Variants in MAF observed in about 807,000 individuals in gnomAD.
MAF encodes MAF bZIP transcription factor, also known as transcription factor Maf.
Under a neutral mutation model 22.0 loss-of-function variants are expected in MAF, and 10 were observed. The observed-to-expected ratio is 0.45, with a 90% CI of 0.28 to 0.77. MAF has a LOEUF of 0.77. Among genes scored for constraint, MAF ranks in the 30% least tolerant of loss-of-function variants. The probability of loss-of-function intolerance (pLI) is 0.12; values close to 1 mark genes in which losing one functional copy is unlikely to be tolerated. For missense variants in MAF, 544 were observed against 548.4 expected (o/e 0.99, Z 0.08); for synonymous variants, 337 against 255.8 (o/e 1.32, Z -3.03).
At chr16:79,311,789 C>G in the MAF span, among the ~76,000 whole-genome samples, 1 of 152,206 alleles carries the variant, frequency 6.6e-6, no homozygotes, top group South Asian at 2.1e-4. Context: ...TCCAGGGCCA[C>G]TGAGTACTGC....
the MAF span, among the ~76,000 whole-genome samples, chr16:79,334,384 A>C: frequency 1.3e-5 from 2 of 152,160 alleles, no homozygotes; most frequent in African/African-American, 4.8e-5. Flanking sequence ...GCGCTGTGCA[A>C]GGCCAGGGAG....
the MAF span, among the ~76,000 whole-genome samples, chr16:79,405,646 C>T: frequency 6.6e-6 from 1 of 152,170 alleles, no homozygotes; most frequent in African/African-American, 2.4e-5. Context: ...CATTTAGGTC[C>T]TGAAGAAAGA....
At chr16:79,355,570 C>G in the MAF span, among the ~76,000 whole-genome samples, 11 of 152,212 alleles carry the variant, frequency 7.2e-5, no homozygotes, top group African/African-American at 2.7e-4. Flanking sequence ...GCCTCCTCTT[C>G]CATGGAGAAC....
the MAF span, among the ~76,000 whole-genome samples, chr16:79,211,177 G>A: frequency 6.6e-6 from 1 of 152,168 alleles, no homozygotes; most frequent in South Asian, 2.1e-4. Context: ...CCACAATTAA[G>A]AGTGGTTGGT....
chr16:79,565,311 G>A, the MAF span, among the ~76,000 whole-genome samples: 2 of 152,206 alleles, frequency 1.3e-5, no homozygotes, highest in Middle Eastern at 3.2e-3. Context: ...GCAGGGTTGA[G>A]CAGCTGCAGC....
the MAF span, among the ~76,000 whole-genome samples, chr16:79,276,002 G>A: frequency 0.14 from 21,420 of 151,972 alleles, 1,613 homozygotes; most frequent in Middle Eastern, 0.24. Flanking sequence ...TTTGCCAGGT[G>A]TGGTGGCAGG....
chr16:79,355,006 G>T, the MAF span, among the ~76,000 whole-genome samples: 1 of 149,522 alleles, frequency 6.7e-6, no homozygotes, highest in Admixed American at 6.6e-5. Flanking sequence ...GTCAGAAATT[G>T]TTTCATAACA....
At chr16:79,515,702 C>A in the MAF span, among the ~76,000 whole-genome samples, 11 of 152,118 alleles carry the variant, frequency 7.2e-5, no homozygotes, top group South Asian at 2.1e-4. Flanking sequence ...TGCTTCCTGC[C>A]CTTGCTACAC....
chr16:79,402,995 G>T, the MAF span, among the ~76,000 whole-genome samples: 8 of 152,176 alleles, frequency 5.3e-5, no homozygotes, highest in Non-Finnish European at 1.5e-5. Flanking sequence ...ATGGAGAGGG[G>T]CTGGGCCCTG....
chr16:79,250,259 C>T, the MAF span, among the ~76,000 whole-genome samples: 4 of 152,174 alleles, frequency 2.6e-5, no homozygotes, highest in Admixed American at 6.5e-5. Context: ...CTGTGTTATC[C>T]TTGCAAAGGA....
At chr16:79,415,498 G>A in the MAF span, among the ~76,000 whole-genome samples, 1 of 152,208 alleles carries the variant, frequency 6.6e-6, no homozygotes, top group African/African-American at 2.4e-5. Flanking sequence ...ATGTGTTGGG[G>A]CAGAAGTCCC....
At chr16:79,503,894 A>G in the MAF span, among the ~76,000 whole-genome samples, 1 of 152,174 alleles carries the variant, frequency 6.6e-6, no homozygotes, top group African/African-American at 2.4e-5. Flanking sequence ...ATTTGTCACT[A>G]TATCCTATAA....
At chr16:79,283,071 A>C in the MAF span, among the ~76,000 whole-genome samples, 1 of 152,292 alleles carries the variant, frequency 6.6e-6, no homozygotes, top group South Asian at 2.1e-4. Flanking sequence ...AGGGTGGGGA[A>C]TAGGGAATGT....
the MAF span, among the ~76,000 whole-genome samples, chr16:79,317,665 G>A: frequency 1.3e-5 from 2 of 152,150 alleles, no homozygotes; most frequent in South Asian, 2.1e-4. Context: ...ACCTCCCAGA[G>A]GGAACAGCCT....
the MAF span, among the ~76,000 whole-genome samples, chr16:79,213,981 T>G: frequency 1.3e-5 from 2 of 152,172 alleles, no homozygotes; most frequent in African/African-American, 4.8e-5. Context: ...CACTCTAGTC[T>G]TCCTCTGTTC....
the MAF span, among the ~76,000 whole-genome samples, chr16:79,443,558 C>G: frequency 6.6e-6 from 1 of 152,154 alleles, no homozygotes. Context: ...TAATTAATTT[C>G]AAAAACTAAA....
At chr16:79,228,677 C>T in the MAF span, among the ~76,000 whole-genome samples, 2 of 152,156 alleles carry the variant, frequency 1.3e-5, no homozygotes, top group Admixed American at 6.6e-5. Flanking sequence ...AGGAAAAGAG[C>T]TCTCTGCCTA....
At chr16:79,474,716 T>C in the MAF span, among the ~76,000 whole-genome samples, 1 of 152,152 alleles carries the variant, frequency 6.6e-6, no homozygotes, top group Admixed American at 6.5e-5. Context: ...TTTTTGCTGG[T>C]GAAGGAGGAA....
chr16:79,571,554 T>TTCC, the MAF span, among the ~76,000 whole-genome samples: 1 of 139,790 alleles, frequency 7.2e-6, no homozygotes, highest in African/African-American at 2.6e-5. Flanking sequence ...TTTTTTTTTT[T>TTCC]ACAAATGCAC....
Sources: allele counts gnomAD v4.1 joint callset (sites outside exome capture counted in the v4.1 genomes callset), GRCh38; gene constraint gnomAD v4.1.1; transcripts MANE v1.5; gene names NCBI Gene and HGNC (gene_info 2026-07-23, HGNC 2026-07-21).